The following ETV5 variants were observed in gnomAD, a reference collection of about 807,000 sequenced individuals.
ETV5 encodes the protein ETS translocation variant 5.
ETV5 carries 10 observed loss-of-function variants against 70.0 expected under a neutral mutation model. The observed-to-expected ratio is 0.14, with a 90% CI of 0.09 to 0.24. ETV5 has a LOEUF of 0.24. Among genes scored for constraint, ETV5 ranks in the 10% least tolerant of loss-of-function variants. The pLI is 1.00. For synonymous variants in ETV5, 216 were observed against 242.2 expected (o/e 0.89, Z 1.01); for missense variants, 453 against 651.2 (o/e 0.70, Z 3.31).
In ETV5 at chr3:186,052,150, G is replaced by A; in HGVS notation, c.1210-19C>T. The A allele has an allele frequency of 1.2e-6, 2 of 1,611,646 alleles. No individual in the cohort carries two copies. Among genetic ancestry groups the A allele is most frequent in the Non-Finnish European group, 1.7e-6 (2 of 1,178,112 alleles). ...GAGCAACCTGAAGAGACAGGAAAGTGAAGAGCAATGGAAACGCATTCCCTG... is the reference window on the plus strand; with the variant it reads ...GAGCAACCTGAAGAGACAGGAAAGTAAAGAGCAATGGAAACGCATTCCCTG... On this transcript the variant is annotated intron_variant, in intron 11 of 12. Transcript: ENST00000306376. The surrounding 1 kb of genome is among the most constrained non-coding windows in gnomAD (Gnocchi z 4.5).
intron 5 of ETV5, among the ~76,000 whole-genome samples, chr3:186,090,289 C>T (rs562567326): frequency 5.9e-5 from 9 of 152,180 alleles, no homozygotes; most frequent in African/African-American, 1.4e-4. Flanking sequence ...CTAATGTCTA[C>T]GCCAGTGGTT....
At chr3:186,077,967 G>A in intron 7 of ETV5, 1 of 1,057,240 alleles carries the variant, frequency 9.5e-7, no homozygotes, top group Non-Finnish European at 1.1e-6. Context: ...AGACTTCAAG[G>A]AGGAATCACC....
chr3:186,108,799 C>A (rs1419158868), intron 1 of ETV5, 141 bp downstream of exon 1: 1 of 362,668 alleles, frequency 2.8e-6, no homozygotes, highest in African/African-American at 2.3e-5. Context: ...GGGCGGTCAA[C>A]CCGGGGGGGG....
chr3:186,081,231 G>C, intron 5 of ETV5, 56 bp from the exon 6 acceptor site: 3 of 1,518,988 alleles, frequency 2.0e-6, no homozygotes, highest in Non-Finnish European at 2.7e-6. Flanking sequence ...GATTAACAGG[G>C]AGCACAATGC....
At chr3:186,055,335 C>T (rs1371257911) in intron 11 of ETV5, among the ~76,000 whole-genome samples, 1 of 152,192 alleles carries the variant, frequency 6.6e-6, no homozygotes, top group African/African-American at 2.4e-5. Context: ...TCTCAAACTT[C>T]ACATAAACCA....
intron 5 of ETV5, among the ~76,000 whole-genome samples, chr3:186,098,171 GAAGT>G (rs1358969989): frequency 6.6e-6 from 1 of 152,270 alleles, no homozygotes; most frequent in Non-Finnish European, 1.5e-5. Flanking sequence ...AAGTCCGCTA[GAAGT>G]AAGGTCAGAA....
chr3:186,064,319 GAGGA>G (rs1713381704), intron 9 of ETV5, 94 bp downstream of exon 9: 11 of 1,167,476 alleles, frequency 9.4e-6, no homozygotes, highest in East Asian at 2.3e-5. Context: ...AGCAAAGAAA[GAGGA>G]AGGAAGGAAG....
chr3:186,106,494 C>T (rs1012509933), intron 1 of ETV5, among the ~76,000 whole-genome samples: 3 of 152,166 alleles, frequency 2.0e-5, no homozygotes, highest in African/African-American at 7.2e-5. Flanking sequence ...TACTTATCTT[C>T]ACACACAACT....
rs1578532997 is a variant in ETV5, at chr3:186,048,266, A to G, written c.*373T>C. ...AATCAGAGCCCTTCTATGTAAAGGC[A>G]TTTAGTAGTCCATGATCGATGCAGA... On this transcript the variant is annotated 3_prime_UTR_variant, in exon 13 of 13. Transcript: ENST00000306376. The G allele has an allele frequency of 3.3e-6, 1 of 303,746 alleles. No homozygotes were observed. Among genetic ancestry groups the G allele is most frequent in the East Asian group, 5.1e-5 (1 of 19,604 alleles). The allele number at this position is 303,746 out of a possible 1,614,324, so 18.8% of individuals were successfully genotyped here. A position where few individuals can be genotyped will look rare whatever the true frequency, so the allele number is the denominator to read the frequency against.
At chr3:186,063,146 T>A (rs1409882779) in intron 9 of ETV5, among the ~76,000 whole-genome samples, 1 of 152,094 alleles carries the variant, frequency 6.6e-6, no homozygotes, top group Non-Finnish European at 1.5e-5. Flanking sequence ...GGCGGGCGCC[T>A]GTAGTCCCAG....
intron 5 of ETV5, among the ~76,000 whole-genome samples, chr3:186,102,035 T>C (rs1299037108): frequency 6.6e-6 from 1 of 152,178 alleles, no homozygotes; most frequent in Non-Finnish European, 1.5e-5. Context: ...AGCTGGGCAT[T>C]TCTATAAGAT....
intron 5 of ETV5, among the ~76,000 whole-genome samples, chr3:186,095,858 G>A (rs1312579574): frequency 6.6e-6 from 1 of 152,240 alleles, no homozygotes; most frequent in Non-Finnish European, 1.5e-5. Flanking sequence ...GGAGGCTGGG[G>A]CAGCTGGGAT....
At chr3:186,106,694 T>C (rs555076453) in intron 1 of ETV5, among the ~76,000 whole-genome samples, 7 of 152,290 alleles carry the variant, frequency 4.6e-5, no homozygotes, top group African/African-American at 1.7e-4. Context: ...CTTTTAAAAC[T>C]TAGGCTGTTT....
chr3:186,093,253 G>A (rs1714226034), intron 5 of ETV5, among the ~76,000 whole-genome samples: 1 of 152,142 alleles, frequency 6.6e-6, no homozygotes, highest in Non-Finnish European at 1.5e-5. Flanking sequence ...ATTTCTTTGT[G>A]GGAAGGGGGA....
At chr3:186,085,491 G>A (rs1262218577) in intron 5 of ETV5, among the ~76,000 whole-genome samples, 1 of 149,216 alleles carries the variant, frequency 6.7e-6, no homozygotes, top group Non-Finnish European at 1.5e-5. Context: ...TGCCATCTCT[G>A]ACTCCAGTAG....
chr3:186,087,361 G>A (rs1211749601), intron 5 of ETV5, among the ~76,000 whole-genome samples: 3 of 152,170 alleles, frequency 2.0e-5, no homozygotes, highest in African/African-American at 7.2e-5. Flanking sequence ...GCCTGTTAAG[G>A]GGGCACAGGA....
chr3:186,069,386 G>A (rs1203956621), intron 7 of ETV5, among the ~76,000 whole-genome samples: 2 of 152,132 alleles, frequency 1.3e-5, no homozygotes, highest in African/African-American at 4.8e-5. Context: ...CCTTTCAATG[G>A]TCTTTGAAGA....
intron 5 of ETV5, among the ~76,000 whole-genome samples, chr3:186,103,953 A>G (rs927153670): frequency 6.6e-6 from 1 of 152,214 alleles, no homozygotes; most frequent in African/African-American, 2.4e-5. Flanking sequence ...TTAGAGAGAG[A>G]CCTAAGATAC....
intron 6 of ETV5, 136 bp from the exon 7 acceptor site, chr3:186,080,240 G>T: frequency 1.7e-6 from 1 of 597,364 alleles, no homozygotes. Flanking sequence ...ATCGCTCGTA[G>T]CCCCGAGGGG....
Sources: gnomAD v4.1 joint callset for allele counts (sites outside exome capture counted in the v4.1 genomes callset) on GRCh38, gnomAD v4.1.1 for gene constraint, Gnocchi (gnomAD v3.1) non-coding constraint, MANE v1.5 for transcripts, NCBI Gene and HGNC (gene_info 2026-07-23, HGNC 2026-07-21) for gene names.